PTPRD: variants seen among roughly 807,000 people sequenced by gnomAD.
The protein encoded by PTPRD is receptor-type tyrosine-protein phosphatase delta.
PTPRD carries 34 observed loss-of-function variants against 214.5 expected under a neutral mutation model. The observed-to-expected ratio is 0.16, with a 90% confidence interval of 0.12 to 0.21. The LOEUF (loss-of-function observed/expected upper bound fraction) is 0.21. PTPRD is among the 10% of genes least tolerant of loss of function. The probability of loss-of-function intolerance (pLI) is 1.00; values close to 1 mark genes in which losing one functional copy is unlikely to be tolerated. For missense variants in PTPRD, 2,545 were observed against 2,398.7 expected, an observed-to-expected ratio of 1.06 and a Z score of -1.27; for synonymous variants, 1,128 against 845.7, an observed-to-expected ratio of 1.33 and a Z score of -5.79.
chr9:9,019,004 C>A (rs1035428399), intron 10 of PTPRD, among the ~76,000 whole-genome samples: 2 of 151,960 alleles, frequency 1.3e-5, no homozygotes, highest in Admixed American at 1.3e-4. Context: ...TTTAATGTAT[C>A]CCCTAATCAA....
chr9:10,219,942 C>A (rs2154348182), intron 3 of PTPRD, among the ~76,000 whole-genome samples: 1 of 151,572 alleles, frequency 6.6e-6, no homozygotes, highest in African/African-American at 2.4e-5. Context: ...TATATACAAT[C>A]TGGATAGGAG....
At chr9:9,902,702 C>T (rs2076682528) in intron 5 of PTPRD, among the ~76,000 whole-genome samples, 1 of 152,018 alleles carries the variant, frequency 6.6e-6, no homozygotes, top group Admixed American at 6.6e-5. Flanking sequence ...ATGATGAGTT[C>T]AGATACAGAT....
chr9:8,744,834 C>T (rs1485241777), intron 11 of PTPRD, among the ~76,000 whole-genome samples: 1 of 152,126 alleles, frequency 6.6e-6, no homozygotes, highest in African/African-American at 2.4e-5. Context: ...CATTATAATC[C>T]CAACGTTGTC....
chr9:9,413,493 A>C (rs2076145201), intron 8 of PTPRD, among the ~76,000 whole-genome samples: 1 of 152,226 alleles, frequency 6.6e-6, no homozygotes, highest in African/African-American at 2.4e-5. Flanking sequence ...AAATACAATT[A>C]AATGGAACCT....
chr9:10,561,976 T>C (rs1393839494), intron 2 of PTPRD, among the ~76,000 whole-genome samples: 1 of 152,176 alleles, frequency 6.6e-6, no homozygotes, highest in African/African-American at 2.4e-5. Context: ...CTCTTATTTA[T>C]TTTTGTTTAA....
chr9:9,829,163 T>A (rs2053981134), intron 5 of PTPRD, among the ~76,000 whole-genome samples: 1 of 152,044 alleles, frequency 6.6e-6, no homozygotes, highest in Admixed American at 6.6e-5. Context: ...AACATTGTAT[T>A]AAAAGTTAGG....
chr9:10,338,123 A>G (rs1286862880), intron 3 of PTPRD, among the ~76,000 whole-genome samples: 2 of 151,646 alleles, frequency 1.3e-5, no homozygotes, highest in African/African-American at 2.4e-5. Context: ...TAAAAAGATT[A>G]TATATGGAAT....
chr9:10,267,184 C>T (rs961010870), intron 3 of PTPRD, among the ~76,000 whole-genome samples: 4 of 142,292 alleles, frequency 2.8e-5, no homozygotes, highest in African/African-American at 1.1e-4. Flanking sequence ...GAGTGAGACT[C>T]CGTCTCAAAA....
At chr9:9,624,896 G>A (rs1476206181) in intron 7 of PTPRD, among the ~76,000 whole-genome samples, 1 of 151,686 alleles carries the variant, frequency 6.6e-6, no homozygotes, top group Non-Finnish European at 1.5e-5. Context: ...GTTACCAGCA[G>A]TGTGGCCTTG....
intron 5 of PTPRD, among the ~76,000 whole-genome samples, chr9:9,896,988 T>G (rs2075146851): frequency 6.6e-6 from 1 of 152,034 alleles, no homozygotes; most frequent in South Asian, 2.1e-4. Context: ...ACTTGCAGAG[T>G]TCCTCAATGG....
rs147599209 is a variant in PTPRD, at chr9:9,026,289, G to A, written c.-142-7554C>T. On this transcript the variant is annotated intron_variant, in intron 10 of 45. Transcript: ENST00000381196. The stretch of plus-strand genomic sequence containing the variant: ...TGAAGAACACAAATGTGTCCAGTGT[G>A]GCTGCAGCATGTTGAGGCATGAAAA... 2.6e-5 allele frequency among the ~76,000 whole-genome samples: 4 copies of A among 152,030 alleles called. No homozygotes were observed. The East Asian group carries it at 7.8e-4, about 30-fold the overall frequency.
At chr9:8,724,786 A>C (rs754115412) in intron 12 of PTPRD, among the ~76,000 whole-genome samples, 11 of 151,980 alleles carry the variant, frequency 7.2e-5, no homozygotes, top group Admixed American at 1.3e-4. Flanking sequence ...AAAAATACAA[A>C]AATTAGCCGG....
chr9:8,835,261 T>G (rs1211134627), intron 11 of PTPRD, among the ~76,000 whole-genome samples: 2 of 152,214 alleles, frequency 1.3e-5, no homozygotes, highest in Non-Finnish European at 2.9e-5. Flanking sequence ...GGCTCTGCAT[T>G]TCAGGTGCGT....
At chr9:9,469,970 C>A (rs1442863721) in intron 8 of PTPRD, among the ~76,000 whole-genome samples, 1 of 152,054 alleles carries the variant, frequency 6.6e-6, no homozygotes, top group Non-Finnish European at 1.5e-5. Flanking sequence ...TTTGCTTTGC[C>A]TGATTGTTAC....
chr9:9,467,714 T>C (rs2094310940), intron 8 of PTPRD, among the ~76,000 whole-genome samples: 1 of 152,060 alleles, frequency 6.6e-6, no homozygotes, highest in Admixed American at 6.6e-5. Context: ...TTTGTACTTC[T>C]ATAGTTTATC....
At chr9:8,863,080 AGAAAT>A (rs2098134844) in intron 11 of PTPRD, among the ~76,000 whole-genome samples, 1 of 140,266 alleles carries the variant, frequency 7.1e-6, no homozygotes, top group African/African-American at 3.1e-5. Context: ...AATAAAAAAA[AGAAAT>A]CCACATCTTT....
At chr9:10,182,259 C>CAAAAAAA (rs3075574) in intron 3 of PTPRD, among the ~76,000 whole-genome samples, 84 of 54,062 alleles carry the variant, frequency 1.6e-3, no homozygotes, top group South Asian at 2.5e-3. Context: ...GACTCTGCCT[C>CAAAAAAA]AAAAAAAAAA....
chr9:10,019,183 C>T (rs200489916), intron 4 of PTPRD, among the ~76,000 whole-genome samples: 6 of 152,082 alleles, frequency 3.9e-5, no homozygotes, highest in Admixed American at 1.3e-4. Context: ...AAAATGCTCA[C>T]CATCACTGGC....
chr9:10,446,588 A>C (rs1369155158), intron 2 of PTPRD, among the ~76,000 whole-genome samples: 1 of 152,078 alleles, frequency 6.6e-6, no homozygotes, highest in East Asian at 1.9e-4. Context: ...TTTCAAACTG[A>C]GGAGCAAGAT....
Sources: gnomAD v4.1 joint callset for allele counts (sites outside exome capture counted in the v4.1 genomes callset) on GRCh38, gnomAD v4.1.1 for gene constraint, MANE v1.5 for transcripts, NCBI Gene and HGNC (gene_info 2026-07-23, HGNC 2026-07-21) for gene names.